Variants in CTSK observed in about 807,000 individuals in gnomAD.
CTSK encodes the protein cathepsin K.
A neutral mutation model predicts 40.5 loss-of-function variants in CTSK; 26 were observed. The ratio of observed to expected loss-of-function variants is 0.64; its 90% CI spans 0.47 to 0.89. CTSK has a LOEUF of 0.89. Ranked by LOEUF, CTSK falls within the 40% of genes least tolerant of loss-of-function variation. The pLI, the probability that CTSK is intolerant of heterozygous loss-of-function variation, is 0.00. For missense variants in CTSK, 292 were observed against 400.1 expected (o/e 0.73, Z 2.30); for synonymous variants, 132 against 143.2 (o/e 0.92, Z 0.56).
intron 1 of CTSK, chr1:150,807,156 G>T: frequency 2.3e-6 from 1 of 441,508 alleles, no homozygotes. Context: ...GATAGAAACT[G>T]GACAATCAGA....
intron 7 of CTSK, among the ~76,000 whole-genome samples, chr1:150,798,528 G>A (rs1048022849): frequency 2.0e-5 from 3 of 152,178 alleles, no homozygotes; most frequent in Admixed American, 1.3e-4. Flanking sequence ...GTTTATGTAT[G>A]TCACTAAGCA....
intron 1 of CTSK, 126 bp from the exon 2 acceptor site, chr1:150,806,932 C>CTGTGTTTAGA: frequency 8.7e-7 from 1 of 1,155,600 alleles, no homozygotes; most frequent in Non-Finnish European, 1.3e-6. Flanking sequence ...CAGGAGGGGC[C>CTGTGTTTAGA]TGTGTTTAGA....
At chr1:150,804,525 G>T (rs587734001) in intron 4 of CTSK, among the ~76,000 whole-genome samples, 1 of 152,142 alleles carries the variant, frequency 6.6e-6, no homozygotes, top group Non-Finnish European at 1.5e-5. Context: ...ATGTGACCCC[G>T]GGTAAGTTAC....
chr1:150,806,997 T>TTATCTCTTTCTCTCTCTC, intron 1 of CTSK, among the ~76,000 whole-genome samples, 191 bp from the exon 2 acceptor site: 1 of 80,060 alleles, frequency 1.2e-5, no homozygotes, highest in South Asian at 6.3e-4. Flanking sequence ...ATTTAGCCAT[T>TTATCTCTTTCTCTCTCTC]TCTCTCTTTC....
chr1:150,800,973 C>T (rs1197712791), intron 5 of CTSK: 1 of 152,188 alleles, frequency 6.6e-6, no homozygotes, highest in Non-Finnish European at 1.5e-5. Flanking sequence ...CCAAAAATTA[C>T]ACAGAATTAC....
intron 1 of CTSK, chr1:150,807,361 G>C (rs1443841500): frequency 1.7e-5 from 8 of 471,022 alleles, no homozygotes; most frequent in Non-Finnish European, 2.6e-5. Flanking sequence ...AGAGGACAAG[G>C]GAAAATAGGA....
At chr1:150,808,114 G>A (rs1391817025) in intron 1 of CTSK, 100 bp downstream of exon 1, 2 of 152,224 alleles carry the variant, frequency 1.3e-5, no homozygotes, top group Admixed American at 1.3e-4. Flanking sequence ...CATCTGCAGA[G>A]GCTAAAAGTT....
At chr1:150,807,874 A>G (rs587707371) in intron 1 of CTSK, among the ~76,000 whole-genome samples, 2 of 152,304 alleles carry the variant, frequency 1.3e-5, no homozygotes, top group African/African-American at 4.8e-5. Context: ...CTACCTCCCC[A>G]TACCACTCTC....
chr1:150,806,703 T>TA lies in CTSK; in HGVS notation c.102_103insT (p.Lys35Ter). The TA allele has an allele frequency of 6.2e-7, 1 of 1,614,020 alleles. No homozygotes were observed. The highest frequency in any genetic ancestry group is 8.5e-7 in the Non-Finnish European group (1 of 1,180,000). On this transcript the variant is annotated frameshift_variant, in exon 2 of 8. Transcript: ENST00000271651. LOFTEE classifies it high-confidence loss of function. Reference sequence around the variant, plus strand: ...CCAGGCACCTTGTTGTTATATTGCTTCCTGTGGGTCTTCTTCCATAGCTCC... The same window carrying TA: ...CCAGGCACCTTGTTGTTATATTGCTTACCTGTGGGTCTTCTTCCATAGCTCC...
chr1:150,803,135 TAAG>T (rs1267284571), intron 5 of CTSK, among the ~76,000 whole-genome samples: 1 of 152,182 alleles, frequency 6.6e-6, no homozygotes, highest in Non-Finnish European at 1.5e-5. Context: ...TATATCCTAG[TAAG>T]AAATTCTTGC....
rs1191305506 is a variant in CTSK, at chr1:150,806,561, G to A, written c.120+125C>T. On this transcript the variant is annotated intron_variant, in intron 2 of 7. Transcript: ENST00000271651. ...GAATGAAAACCGTATGTTAACATGA[G>A]TTAGGGAAGAGGGACTGATTTGCTT... 9.6e-6 allele frequency: 12 copies of A among 1,246,814 alleles called. No individual in the cohort carries two copies. The East Asian group carries it at 1.2e-4, about 12-fold the overall frequency. The allele number at this position is 1,246,814 out of a possible 1,614,324, so 77.2% of individuals were successfully genotyped here.
In CTSK at chr1:150,796,705, CA is replaced by C. The variant is rs1653882199; in HGVS notation, c.*93del. On this transcript the variant is annotated 3_prime_UTR_variant, in exon 8 of 8. Transcript: ENST00000271651. The stretch of plus-strand genomic sequence containing the variant: ...AATCTCAGTATCACCACATCTGCTT[CA>C]AAAATAGCACACCAACTCCCTTCCA... The C allele has an allele frequency of 2.2e-6, 2 of 902,612 alleles. No homozygotes were observed. Among genetic ancestry groups the C allele is most frequent in the Admixed American group, 1.7e-5 (1 of 59,152 alleles). 55.9% of individuals were successfully genotyped at this position (902,612 alleles called of 1,614,324 possible). A position where few individuals can be genotyped will look rare whatever the true frequency, so the allele number is the denominator to read the frequency against.
At chr1:150,806,997 TTC>T (rs1168812281) in intron 1 of CTSK, among the ~76,000 whole-genome samples, 191 bp from the exon 2 acceptor site, 1 of 79,968 alleles carries the variant, frequency 1.3e-5, no homozygotes, top group Non-Finnish European at 2.9e-5. Flanking sequence ...ATTTAGCCAT[TTC>T]TCTCTTTCTC....
At chr1:150,803,173 G>T (rs587609796) in intron 5 of CTSK, among the ~76,000 whole-genome samples, 1 of 152,234 alleles carries the variant, frequency 6.6e-6, no homozygotes, top group East Asian at 1.9e-4. Context: ...GATATACCTA[G>T]GAATGTTTGC....
At chr1:150,798,644 C>T (rs1395657611) in intron 7 of CTSK, among the ~76,000 whole-genome samples, 1 of 152,142 alleles carries the variant, frequency 6.6e-6, no homozygotes, top group Non-Finnish European at 1.5e-5. Context: ...AATGTGATCC[C>T]CAATGTGGGA....
chr1:150,804,693 T>C (rs1298414566), intron 4 of CTSK, among the ~76,000 whole-genome samples: 1 of 152,220 alleles, frequency 6.6e-6, no homozygotes, highest in East Asian at 1.9e-4. Context: ...GATTTTTCTT[T>C]CTTTCCTGTT....
intron 4 of CTSK, 82 bp downstream of exon 4, chr1:150,805,779 C>G (rs587656498): frequency 2.7e-6 from 4 of 1,460,310 alleles, no homozygotes; most frequent in East Asian, 4.5e-5. Flanking sequence ...TCCTGGTGCC[C>G]TTTCACCTCA....
chr1:150,796,739 T>C lies in CTSK; in HGVS notation c.*60A>G. 2 of 1,176,780 alleles carry C rather than the reference T, an allele frequency of 1.7e-6. No homozygotes were observed. The highest frequency in any genetic ancestry group is 2.6e-6 in the Non-Finnish European group (2 of 780,544). 72.9% of individuals were successfully genotyped at this position (1,176,780 alleles called of 1,614,324 possible). ...CACACCAACTCCCTTCCAAAGTGCATCGTTACACTGCACCATCGTGGAAGA... is the reference window on the plus strand; with the variant it reads ...CACACCAACTCCCTTCCAAAGTGCACCGTTACACTGCACCATCGTGGAAGA... On this transcript the variant is annotated 3_prime_UTR_variant, in exon 8 of 8. Transcript: ENST00000271651.
At position 150,799,703 on chromosome 1, in the gene CTSK, T is replaced by A. The variant is rs926584904; in HGVS notation, c.625A>T (p.Ser209Cys). The A allele has an allele frequency of 1.2e-6, 2 of 1,613,930 alleles. No homozygotes were observed. Among genetic ancestry groups the A allele is most frequent in the African/African-American group, 2.7e-5 (2 of 74,882 alleles). ...DAYPYVGQEE[S>C]CMYNPTGKAA... Reference sequence around the variant, plus strand: ...TTGCCTGTTGGGTTGTACATACAACTCTCTTCCTGGAAGAAACAAGATTGT... The same window carrying A: ...TTGCCTGTTGGGTTGTACATACAACACTCTTCCTGGAAGAAACAAGATTGT... Residue 209 changes from serine (S) to cysteine (C), a missense_variant, in exon 6 of 8, where the codon AGT (serine) becomes TGT (cysteine). Physicochemically the swap from Ser to Cys is moderately radical, Grantham distance 112. Coordinates refer to ENST00000271651, the MANE Select transcript of CTSK (RefSeq NM_000396.4).
Sources: gnomAD v4.1 joint callset for allele counts (sites outside exome capture counted in the v4.1 genomes callset) on GRCh38, gnomAD v4.1.1 for gene constraint, MANE v1.5 for transcripts, NCBI Gene and HGNC (gene_info 2026-07-23, HGNC 2026-07-21) for gene names.